NTN1: variants seen among roughly 807,000 people sequenced by gnomAD.
NTN1 encodes the protein netrin 1.
Under a neutral mutation model 54.2 loss-of-function variants are expected in NTN1, and 11 were observed. The ratio of observed to expected loss-of-function variants is 0.20; its 90% CI spans 0.13 to 0.34. NTN1 has a LOEUF of 0.34. Among genes scored for constraint, NTN1 ranks in the 10% least tolerant of loss-of-function variants. NTN1 has a pLI of 1.00. For synonymous variants in NTN1, 371 were observed against 382.0 expected, an observed-to-expected ratio of 0.97 and a Z score of 0.33; for missense variants, 740 against 893.1, an observed-to-expected ratio of 0.83 and a Z score of 2.18.
intron 2 of NTN1, among the ~76,000 whole-genome samples, chr17:9,049,888 T>C (rs2091954226): frequency 6.6e-6 from 1 of 152,036 alleles, no homozygotes; most frequent in Non-Finnish European, 1.5e-5. Context: ...GAATGAAGAG[T>C]TCACAGAAAT....
chr17:9,148,240 A>G (rs1425188949), intron 2 of NTN1, among the ~76,000 whole-genome samples: 1 of 152,158 alleles, frequency 6.6e-6, no homozygotes, highest in Non-Finnish European at 1.5e-5. Flanking sequence ...ACAGGTATCT[A>G]TTCTTGTTCA....
chr17:9,072,573 C>T (rs993902010), intron 2 of NTN1, among the ~76,000 whole-genome samples: 6 of 152,080 alleles, frequency 3.9e-5, no homozygotes, highest in African/African-American at 2.4e-5. Flanking sequence ...TTTGCGTGCC[C>T]GCCTCGGAGA....
At chr17:9,201,226 C>A (rs868333501) in intron 5 of NTN1, among the ~76,000 whole-genome samples, 1 of 152,172 alleles carries the variant, frequency 6.6e-6, no homozygotes, top group Non-Finnish European at 1.5e-5. Flanking sequence ...GAGATGGGAA[C>A]TCCCTGGGTC....
chr17:9,078,495 A>C (rs1292699589), intron 2 of NTN1, among the ~76,000 whole-genome samples: 1 of 152,222 alleles, frequency 6.6e-6, no homozygotes, highest in Admixed American at 6.5e-5. Flanking sequence ...AAAGATGAGT[A>C]CCTGAGAGTC....
intron 2 of NTN1, among the ~76,000 whole-genome samples, chr17:9,066,706 A>G (rs2092016081): frequency 6.6e-6 from 1 of 152,054 alleles, no homozygotes; most frequent in Non-Finnish European, 1.5e-5. Context: ...AATATTACAA[A>G]TGGCACGTTG....
At chr17:9,197,835 C>T (rs1049837675) in intron 5 of NTN1, among the ~76,000 whole-genome samples, 1 of 152,270 alleles carries the variant, frequency 6.6e-6, no homozygotes, top group South Asian at 2.1e-4. Context: ...TACGAGGCCA[C>T]CTCCTTCAGC....
Position 9,219,213 on chromosome 17 carries a change from T to C in NTN1, c.1412-1955T>C, listed in dbSNP as rs1905277679. Among the ~76,000 whole-genome samples the C allele has an allele frequency of 6.6e-6, 1 of 152,124 alleles. No individual in the cohort carries two copies. The highest frequency in any genetic ancestry group is 6.6e-5 in the Admixed American group (1 of 15,266). ...CTGATGGCGCCGTTGACTTGAGTGTTTGGGCTGCCGTCACTTTCATCCCAA... is the reference window on the plus strand; with the variant it reads ...CTGATGGCGCCGTTGACTTGAGTGTCTGGGCTGCCGTCACTTTCATCCCAA... On this transcript the variant is annotated intron_variant, in intron 5 of 6. Transcript: ENST00000173229. The surrounding 1 kb of genome is among the most constrained non-coding windows in gnomAD (Gnocchi z 4.5).
intron 2 of NTN1, among the ~76,000 whole-genome samples, chr17:9,080,434 C>G (rs903970186): frequency 6.6e-6 from 1 of 152,218 alleles, no homozygotes; most frequent in African/African-American, 2.4e-5. Context: ...TCCAGTCTCT[C>G]TAGAAGCATC....
At chr17:9,226,171 G>GGGGGGGC (rs1555578672) in intron 6 of NTN1, among the ~76,000 whole-genome samples, 1 of 147,538 alleles carries the variant, frequency 6.8e-6, no homozygotes. Context: ...TCGGGGGGGG[G>GGGGGGGC]CCTCAGTGCC....
At chr17:9,183,192 G>A in intron 5 of NTN1, 1 of 688,766 alleles carries the variant, frequency 1.5e-6, no homozygotes, top group Non-Finnish European at 2.7e-6. Context: ...TTTTAATGAT[G>A]CCTCTCTCCC....
intron 2 of NTN1, among the ~76,000 whole-genome samples, chr17:9,034,448 A>AGTCTT (rs2151510920): frequency 7.0e-6 from 1 of 142,264 alleles, no homozygotes; most frequent in Admixed American, 7.4e-5. Context: ...TTTAAGATAG[A>AGTCTT]GTCTTGCTCT....
At position 9,165,316 on chromosome 17, in the gene NTN1, G is replaced by A. The variant is rs1456394271; in HGVS notation, c.1207+2315G>A. On this transcript the variant is annotated intron_variant, in intron 3 of 6. Transcript: ENST00000173229. The surrounding 1 kb of genome is among the most constrained non-coding windows in gnomAD (Gnocchi z 4.5). Reference sequence around the variant, plus strand: ...TTTGCAGCCTCTCACCACTCAGAGTGAGAGACGTCAGGAAGCCACAGGGTC... The same window carrying A: ...TTTGCAGCCTCTCACCACTCAGAGTAAGAGACGTCAGGAAGCCACAGGGTC... 6.6e-6 allele frequency among the ~76,000 whole-genome samples: 1 copy of A among 152,224 alleles called. No individual in the cohort carries two copies. The highest frequency in any genetic ancestry group is 2.4e-5 in the African/African-American group (1 of 41,452).
At chr17:9,040,933 T>TGAGGTAGTAG (rs1303403998) in intron 2 of NTN1, among the ~76,000 whole-genome samples, 1 of 152,092 alleles carries the variant, frequency 6.6e-6, no homozygotes, top group Non-Finnish European at 1.5e-5. Flanking sequence ...TACCTCACAC[T>TGAGGTAGTAG]CTTGAGTAGC....
At chr17:9,144,845 T>C (rs1444354902) in intron 2 of NTN1, among the ~76,000 whole-genome samples, 1 of 152,128 alleles carries the variant, frequency 6.6e-6, no homozygotes, top group East Asian at 1.9e-4. Flanking sequence ...TCAAGTTAAT[T>C]TGCCTTCCAG....
intron 2 of NTN1, among the ~76,000 whole-genome samples, chr17:9,085,613 C>T (rs2092087643): frequency 6.6e-6 from 1 of 152,182 alleles, no homozygotes; most frequent in Non-Finnish European, 1.5e-5. Flanking sequence ...CACCAACCAT[C>T]CCGGGAGCTC....
intron 2 of NTN1, among the ~76,000 whole-genome samples, chr17:9,123,634 A>C (rs1425793741): frequency 2.0e-5 from 3 of 152,078 alleles, no homozygotes; most frequent in Non-Finnish European, 4.4e-5. Flanking sequence ...ATCTCAGTAC[A>C]TGCTGTGAAA....
At chr17:9,105,672 C>G (rs1188059697) in intron 2 of NTN1, among the ~76,000 whole-genome samples, 1 of 152,016 alleles carries the variant, frequency 6.6e-6, no homozygotes, top group African/African-American at 2.4e-5. Context: ...CTCTCTCTCT[C>G]TCTCTCTCTG....
At position 9,023,157 on chromosome 17, in the gene NTN1, G is replaced by C. The variant is rs1297009010; in HGVS notation, c.784G>C (p.Glu262Gln). 6 of 1,564,202 alleles carry C rather than the reference G, an allele frequency of 3.8e-6. No homozygotes were observed. In the African/African-American group the frequency reaches 6.8e-5, roughly 18 times the overall value. ...SRLHTFGDEN[E>Q]DDSELARDSY... ...CCTGCACACGTTCGGCGACGAGAAC[G>C]AGGACGACTCGGAGCTGGCGCGCGA... Residue 262 changes from glutamate (E) to glutamine (Q), a missense_variant, in exon 2 of 7, where the codon GAG becomes CAG. Physicochemically the swap from Glu to Gln is conservative, Grantham distance 29. Transcript: ENST00000173229.
At chr17:9,210,905 GAAAAAAAAAAA>G (rs58541910) in intron 5 of NTN1, among the ~76,000 whole-genome samples, 22 of 23,478 alleles carry the variant, frequency 9.4e-4, no homozygotes, top group African/African-American at 3.7e-3. Context: ...GACTCCATCT[GAAAAAAAAAAA>G]AAAAAAAAAA....
Sources: allele counts gnomAD v4.1 joint callset (sites outside exome capture counted in the v4.1 genomes callset), GRCh38; gene constraint gnomAD v4.1.1; non-coding constraint Gnocchi (gnomAD v3.1); transcripts MANE v1.5; gene names NCBI Gene and HGNC (gene_info 2026-07-23, HGNC 2026-07-21).